Variants in UGCG observed in about 807,000 individuals in gnomAD.
UGCG encodes ceramide glucosyltransferase.
UGCG carries 10 observed loss-of-function variants against 49.5 expected under a neutral mutation model. The ratio of observed to expected loss-of-function variants is 0.20; its 90% CI spans 0.12 to 0.34. The LOEUF is 0.34. Among genes scored for constraint, UGCG ranks in the 10% least tolerant of loss-of-function variants. The pLI, the probability that UGCG is intolerant of heterozygous loss-of-function variation, is 1.00. For missense variants in UGCG, 312 were observed against 483.7 expected, an observed-to-expected ratio of 0.65 and a Z score of 3.33; for synonymous variants, 182 against 158.2, an observed-to-expected ratio of 1.15 and a Z score of -1.13.
At chr9:111,911,562 A>T (rs756589941) in intron 1 of UGCG, among the ~76,000 whole-genome samples, 2 of 151,932 alleles carry the variant, frequency 1.3e-5, no homozygotes, top group Middle Eastern at 3.4e-3. Context: ...CTTTTATCAG[A>T]CCCTCTTAAT....
chr9:111,919,656 G>A (rs182388011), intron 2 of UGCG, among the ~76,000 whole-genome samples: 9 of 151,678 alleles, frequency 5.9e-5, no homozygotes, highest in East Asian at 1.9e-4. Flanking sequence ...TTAGCCGGGC[G>A]TGGTGGCGGA....
chr9:111,897,423 A>G lies in UGCG; in HGVS notation c.98+110A>G, dbSNP rs892822397. ...GGGGACTGGGCTCGGGCGGGGGTGG[A>G]GAAAGCTGATCGTCAGGCTGTTCCC... On this transcript the variant is annotated intron_variant, in intron 1 of 8. Transcript: ENST00000374279. The G allele has an allele frequency of 8.4e-5, 70 of 832,026 alleles. No homozygotes were observed. The Admixed American group carries it at 1.5e-3, about 18-fold the overall frequency. 51.5% of individuals were successfully genotyped at this position (832,026 alleles called of 1,614,324 possible). A position where few individuals can be genotyped will look rare whatever the true frequency, so the allele number is the denominator to read the frequency against.
intron 1 of UGCG, 35 bp from the exon 2 acceptor site, chr9:111,914,570 C>A: frequency 6.2e-7 from 1 of 1,604,670 alleles, no homozygotes; most frequent in Non-Finnish European, 8.5e-7. Context: ...CTAATGTATT[C>A]TATAGAAATA....
intron 5 of UGCG, among the ~76,000 whole-genome samples, chr9:111,927,209 A>G (rs1185745894): frequency 6.6e-6 from 1 of 152,102 alleles, no homozygotes; most frequent in Non-Finnish European, 1.5e-5. Flanking sequence ...AAGTATTTCA[A>G]ATATACACAA....
chr9:111,915,690 A>G (rs1321597493), intron 2 of UGCG: 1 of 732,074 alleles, frequency 1.4e-6, no homozygotes, highest in Non-Finnish European at 1.7e-6. Flanking sequence ...AATAATCAGA[A>G]GGAAGATGAT....
intron 1 of UGCG, among the ~76,000 whole-genome samples, chr9:111,911,953 T>TC (rs1470218329): frequency 1.1e-4 from 4 of 36,376 alleles, no homozygotes; most frequent in African/African-American, 4.2e-4. Context: ...TATATATATA[T>TC]ATATTCAACA....
rs1364535134 is a variant in UGCG, at chr9:111,934,963, T to C, written c.*1966T>C. 6.6e-6 allele frequency: 1 copy of C among 152,268 alleles called. No individual in the cohort carries two copies. Among genetic ancestry groups the C allele is most frequent in the East Asian group, 1.9e-4 (1 of 5,204 alleles). 9.4% of individuals were successfully genotyped at this position (152,268 alleles called of 1,614,324 possible). A position where few individuals can be genotyped will look rare whatever the true frequency, so the allele number is the denominator to read the frequency against. On this transcript the variant is annotated 3_prime_UTR_variant, in exon 9 of 9. Transcript: ENST00000374279. ...GGTCTGTTTAATGAAGTTTGGTTGA[T>C]GCCATCCTTTGCACTGCCGAAGCGT...
At chr9:111,928,579 C>T in intron 5 of UGCG, among the ~76,000 whole-genome samples, 1 of 152,168 alleles carries the variant, frequency 6.6e-6, no homozygotes, top group Non-Finnish European at 1.5e-5. Context: ...AAGATATGTG[C>T]CTCTGTTCTT....
intron 1 of UGCG, among the ~76,000 whole-genome samples, chr9:111,903,764 T>C (rs1837823030): frequency 6.6e-6 from 1 of 152,002 alleles, no homozygotes; most frequent in South Asian, 2.1e-4. Flanking sequence ...CCTGGCTGAT[T>C]TTTGTGTTTT....
intron 1 of UGCG, 147 bp downstream of exon 1, chr9:111,897,460 G>A: frequency 1.5e-6 from 1 of 656,814 alleles, no homozygotes; most frequent in Non-Finnish European, 2.5e-6. Context: ...CCGTTCCCTC[G>A]CCCCTCGGAC....
rs1837681039 is a variant in UGCG at position 111,897,269 on chromosome 9, C to T, written c.54C>T (p.Leu18=). ...LEGMAVFGFV[L]FLVLWLMHFM... ...GAATGGCCGTCTTCGGGTTCGTCCT[C>T]TTCTTGGTGCTGTGGCTGATGCATT... is the stretch of plus-strand genomic sequence containing the variant. Residue 18 remains leucine (L), a synonymous_variant, in exon 1 of 9, where the codon CTC becomes CTT. Coordinates refer to ENST00000374279, the MANE Select transcript of UGCG (RefSeq NM_003358.3). 5 of 1,560,722 alleles carry T rather than the reference C, an allele frequency of 3.2e-6. No individual in the cohort carries two copies. Among genetic ancestry groups the T allele is most frequent in the Admixed American group, 3.8e-5 (2 of 52,212 alleles).
chr9:111,924,037 C>G (rs1463302905), intron 3 of UGCG, among the ~76,000 whole-genome samples: 1 of 152,282 alleles, frequency 6.6e-6, no homozygotes, highest in African/African-American at 2.4e-5. Flanking sequence ...ATCCACCCCC[C>G]TCGACCTCCC....
At chr9:111,919,303 C>A (rs4317651) in intron 2 of UGCG, among the ~76,000 whole-genome samples, 51,732 of 151,714 alleles carry the variant, frequency 0.34, 9,190 homozygotes, top group Admixed American at 0.42. Context: ...CATTCAAGAC[C>A]AGCTCGTCGT....
intron 2 of UGCG, among the ~76,000 whole-genome samples, chr9:111,918,251 A>G (rs1838147158): frequency 6.6e-6 from 1 of 152,146 alleles, no homozygotes; most frequent in Admixed American, 6.5e-5. Context: ...CATGTTGGCC[A>G]GGCTGGTCTT....
Position 111,914,583 on chromosome 9 carries a change from T to C in UGCG, c.99-22T>C, listed in dbSNP as rs760302139. The C allele has an allele frequency of 7.5e-6, 12 of 1,610,544 alleles. 2 individuals are homozygous for C. The South Asian group carries it at 1.3e-4, about 18-fold the overall frequency. ...CACTAATGTATTCTATAGAAATAATTTTTATATCATTTGCTTTTTAGCCGA... is the reference window on the plus strand; with the variant it reads ...CACTAATGTATTCTATAGAAATAATCTTTATATCATTTGCTTTTTAGCCGA... On this transcript the variant is annotated intron_variant, in intron 1 of 8. Transcript: ENST00000374279.
At chr9:111,907,574 G>A (rs999662360) in intron 1 of UGCG, among the ~76,000 whole-genome samples, 2 of 151,660 alleles carry the variant, frequency 1.3e-5, no homozygotes, top group South Asian at 4.2e-4. Flanking sequence ...GTTGGGTGCT[G>A]GATGTTTTTG....
At position 111,924,842 on chromosome 9, in the gene UGCG, T is replaced by C. The variant is rs1338389376; in HGVS notation, c.409T>C (p.Tyr137His). The C allele has an allele frequency of 6.5e-7, 1 of 1,534,622 alleles. No homozygotes were observed. Among genetic ancestry groups the C allele is most frequent in the Non-Finnish European group, 8.7e-7 (1 of 1,148,128 alleles). The change falls in exon 4 of 9, where the codon TAT becomes CAT. Residue 137 changes from tyrosine to histidine, a missense_variant. This residue lies in a region of UGCG where 64 missense variants were observed against 67.6 expected (regional missense o/e 0.95). Transcript: ENST00000374279. ...NLMPGYEVAK[Y>H]DLIWICDSGI... is the part of the protein sequence containing the mutation. ...AATGCCAGGATATGAAGTTGCAAAG[T>C]ATGATCTTATATGGATTTGTGATAG...
At chr9:111,897,657 G>A (rs1837688660) in intron 1 of UGCG, among the ~76,000 whole-genome samples, 1 of 152,004 alleles carries the variant, frequency 6.6e-6, no homozygotes, top group Non-Finnish European at 1.5e-5. Flanking sequence ...ATGGTGTATT[G>A]TTTTTTTCTC....
chr9:111,911,623 C>T (rs571532550), intron 1 of UGCG, among the ~76,000 whole-genome samples: 6 of 151,942 alleles, frequency 3.9e-5, no homozygotes, highest in East Asian at 1.9e-4. Flanking sequence ...AGGGGCTGAA[C>T]GTGGTGGCTC....
Sources: allele counts gnomAD v4.1 joint callset (sites outside exome capture counted in the v4.1 genomes callset), GRCh38; gene constraint gnomAD v4.1.1; regional missense constraint gnomAD v4.1.1; transcripts MANE v1.5; gene names NCBI Gene and HGNC (gene_info 2026-07-23, HGNC 2026-07-21).